The following ZBBX variants were observed in gnomAD, a reference collection of about 807,000 sequenced individuals.
The protein encoded by ZBBX is zinc finger B-box domain-containing protein 1.
A neutral mutation model predicts 108.5 loss-of-function variants in ZBBX; 101 were observed. That is an observed-to-expected ratio of 0.93 (90% confidence interval 0.79 to 1.10). The LOEUF is 1.10. Among genes scored for constraint, ZBBX ranks in the 50% least tolerant of loss-of-function variants. The pLI, the probability that ZBBX is intolerant of heterozygous loss-of-function variation, is 0.00. For synonymous variants in ZBBX, 356 were observed against 323.4 expected (o/e 1.10, Z -1.08); for missense variants, 1,009 against 941.4 (o/e 1.07, Z -0.94).
In ZBBX at chr3:167,242,505, CT is replaced by C; in HGVS notation, c.2392del (p.Ser798AlafsTer57). 1.3e-6 allele frequency: 2 copies of C among 1,597,298 alleles called. No homozygotes were observed. Among genetic ancestry groups the C allele is most frequent in the African/African-American group, 1.4e-5 (1 of 74,060 alleles). On this transcript the variant is annotated frameshift_variant and splice_region_variant, in exon 21 of 22. Coordinates refer to ENST00000675490, the MANE Select transcript of ZBBX (RefSeq NM_001199201.2). LOFTEE classifies it high-confidence loss of function. ...TAAATAAACTGCAGGCTTAACTTACCTCAATTCCTCAACTCCACAGGGACCC... is the reference window on the plus strand; with the variant it reads ...TAAATAAACTGCAGGCTTAACTTACCCAATTCCTCAACTCCACAGGGACCC... ...VRGPCGVEEL[S>X]CSGRDTKIQS...
intron 20 of ZBBX, among the ~76,000 whole-genome samples, chr3:167,250,757 G>A (rs762411718): frequency 1.3e-5 from 2 of 152,048 alleles, no homozygotes; most frequent in African/African-American, 2.4e-5. Context: ...GAATGATACC[G>A]GAGGGGTCGA....
chr3:167,314,243 A>G (rs1380194460), intron 15 of ZBBX, 127 bp from the exon 16 acceptor site: 1 of 707,900 alleles, frequency 1.4e-6, no homozygotes, highest in Non-Finnish European at 2.1e-6. Flanking sequence ...CATTAATTTA[A>G]TATTTATTTT....
At position 167,373,734 on chromosome 3, in the gene ZBBX, CA is replaced by C. The variant is rs1560199873; in HGVS notation, c.-79del. 1 of 152,088 alleles carries C rather than the reference CA, an allele frequency of 6.6e-6. No individual in the cohort carries two copies. The highest frequency in any genetic ancestry group is 2.4e-5 in the African/African-American group (1 of 41,412). The allele number at this position is 152,088 out of a possible 1,614,324, so 9.4% of individuals were successfully genotyped here. The stretch of plus-strand genomic sequence containing the variant: ...TTATTAAGTGGAAGTGAATCATGAT[CA>C]GGGGCTTCACATTGAGCAGGCTGAG... On this transcript the variant is annotated 5_prime_UTR_variant, in exon 3 of 22. Transcript: ENST00000675490.
In ZBBX at chr3:167,277,176, A is replaced by T. The variant is rs571222076; in HGVS notation, c.2254+5062T>A. Among the ~76,000 whole-genome samples the T allele has an allele frequency of 3.9e-5, 6 of 152,262 alleles. No individual in the cohort carries two copies. The South Asian group carries it at 1.0e-3, about 26-fold the overall frequency. Reference sequence around the variant, plus strand: ...TAAAGACCATCGAGACTAGGAAGAAACTGCATCAACTAACGAGCAAAATAA... The same window carrying T: ...TAAAGACCATCGAGACTAGGAAGAATCTGCATCAACTAACGAGCAAAATAA... On this transcript the variant is annotated intron_variant, in intron 20 of 21. Transcript: ENST00000675490.
intron 4 of ZBBX, among the ~76,000 whole-genome samples, chr3:167,372,486 T>A (rs888804901): frequency 6.6e-6 from 1 of 152,218 alleles, no homozygotes; most frequent in Admixed American, 6.5e-5. Context: ...TAGTGCTTTC[T>A]ATTTCCTGGT....
chr3:167,394,940 AAGTTAGCTCTGTCTTGTGAGCCATG>A (rs1280270536), intron 1 of ZBBX, among the ~76,000 whole-genome samples: 1 of 152,066 alleles, frequency 6.6e-6, no homozygotes, highest in Non-Finnish European at 1.5e-5. Flanking sequence ...TTAGATGAGT[AAGTTAGCTCTGTCTTGTGAGCCATG>A]AGTTAGCTCT....
intron 20 of ZBBX, among the ~76,000 whole-genome samples, chr3:167,273,692 G>A (rs768487438): frequency 2.1e-4 from 32 of 152,170 alleles, no homozygotes; most frequent in South Asian, 4.2e-4. Context: ...TAACTGGAGC[G>A]GTACTTGTGC....
the ZBBX span, among the ~76,000 whole-genome samples, chr3:167,200,699 TAAAG>T: frequency 6.6e-6 from 1 of 152,016 alleles, no homozygotes. Flanking sequence ...ACTTATGTAA[TAAAG>T]AAAGAGAAGT....
At chr3:167,237,144 T>C (rs1177234911), downstream of ZBBX, among the ~76,000 whole-genome samples, 1 of 151,768 alleles carries the variant, frequency 6.6e-6, no homozygotes, top group Non-Finnish European at 1.5e-5. Flanking sequence ...AAATATTTTC[T>C]ATGCACCTCA....
At chr3:167,183,586 C>T in the ZBBX span, among the ~76,000 whole-genome samples, 8 of 152,330 alleles carry the variant, frequency 5.3e-5, no homozygotes, top group South Asian at 2.1e-4. Context: ...GACAGGAAGC[C>T]GCCAGTGATA....
intron 4 of ZBBX, among the ~76,000 whole-genome samples, chr3:167,370,882 C>T (rs1746059469): frequency 2.0e-5 from 3 of 151,952 alleles, no homozygotes; most frequent in Non-Finnish European, 1.5e-5. Context: ...CATCAAACTA[C>T]GTGATTAGAG....
At chr3:167,366,115 A>G (rs892730103) in intron 5 of ZBBX, 139 bp from the exon 6 acceptor site, 10 of 514,016 alleles carry the variant, frequency 1.9e-5, no homozygotes, top group Non-Finnish European at 3.5e-5. Flanking sequence ...ATGAAAAATA[A>G]ATATCAATAA....
intron 10 of ZBBX, among the ~76,000 whole-genome samples, chr3:167,330,781 G>A (rs1437418236): frequency 1.3e-5 from 1 of 77,060 alleles, no homozygotes; most frequent in Non-Finnish European, 2.7e-5. Context: ...AGAAGAAAAG[G>A]AGAAGAAGAA....
intron 17 of ZBBX, among the ~76,000 whole-genome samples, chr3:167,305,381 C>T (rs937325593): frequency 6.6e-6 from 1 of 152,068 alleles, no homozygotes; most frequent in South Asian, 2.1e-4. Context: ...CATGCTCTTA[C>T]TATGCTGCAT....
At chr3:167,276,536 T>C (rs1223950253) in intron 20 of ZBBX, among the ~76,000 whole-genome samples, 2 of 151,464 alleles carry the variant, frequency 1.3e-5, no homozygotes, top group South Asian at 2.1e-4. Context: ...AGAAGGGAAG[T>C]TTAGAGAAAA....
In ZBBX at chr3:167,302,023, A is replaced by G. The variant is rs140235224; in HGVS notation, c.1726-3565T>C. The stretch of plus-strand genomic sequence containing the variant: ...GTATTAATTTTGTTAGCATTTTGCT[A>G]TCGATTTATAATTTATTGTATTATG... On this transcript the variant is annotated intron_variant, in intron 17 of 21. Coordinates refer to ENST00000675490, the MANE Select transcript of ZBBX (RefSeq NM_001199201.2). 8.9e-3 allele frequency among the ~76,000 whole-genome samples: 1,331 copies of G among 149,554 alleles called. 26 individuals are homozygous for G. Among genetic ancestry groups the G allele is most frequent in the African/African-American group, 0.031 (1,257 of 40,882 alleles).
At chr3:167,394,024 G>A (rs776446528) in intron 1 of ZBBX, among the ~76,000 whole-genome samples, 17 of 151,816 alleles carry the variant, frequency 1.1e-4, no homozygotes, top group Non-Finnish European at 1.9e-4. Flanking sequence ...ATTTTATCCA[G>A]ATTTTCCATA....
chr3:167,350,640 A>G (rs1742477821), intron 8 of ZBBX, 125 bp from the exon 9 acceptor site: 1 of 570,372 alleles, frequency 1.8e-6, no homozygotes, highest in Non-Finnish European at 2.8e-6. Context: ...ATATCATCAG[A>G]ATTGAGAAGC....
At chr3:167,284,190 ATC>A (rs148120634) in intron 19 of ZBBX, among the ~76,000 whole-genome samples, 54,833 of 146,952 alleles carry the variant, frequency 0.37, 10,613 homozygotes, top group East Asian at 0.67. Context: ...ATATATCTAT[ATC>A]TATATATATA....
Sources: gnomAD v4.1 joint callset for allele counts (sites outside exome capture counted in the v4.1 genomes callset) on GRCh38, gnomAD v4.1.1 for gene constraint, MANE v1.5 for transcripts, NCBI Gene and HGNC (gene_info 2026-07-23, HGNC 2026-07-21) for gene names.